Variants in PRR5L observed in about 807,000 individuals in gnomAD.
The protein encoded by PRR5L is proline rich 5 like.
In PRR5L, 21 loss-of-function variants were observed where a neutral mutation model predicts 36.4. The observed-to-expected ratio is 0.58, with a 90% CI of 0.41 to 0.83. The LOEUF is 0.83. Ranked by LOEUF, PRR5L falls within the 40% of genes least tolerant of loss-of-function variation. The pLI is 0.00. For synonymous variants in PRR5L, 188 were observed against 197.0 expected (o/e 0.95, Z 0.38); for missense variants, 381 against 473.3 (o/e 0.80, Z 1.81).
intron 1 of PRR5L, among the ~76,000 whole-genome samples, chr11:36,364,558 A>T (rs1276766829): frequency 1.3e-5 from 2 of 152,204 alleles, no homozygotes; most frequent in Non-Finnish European, 2.9e-5. Flanking sequence ...TTCTTAGAAT[A>T]GTGCCTGGTG....
At chr11:36,395,147 G>A (rs1031633022) in intron 1 of PRR5L, among the ~76,000 whole-genome samples, 1 of 152,196 alleles carries the variant, frequency 6.6e-6, no homozygotes, top group African/African-American at 2.4e-5. Context: ...AAGACCCACA[G>A]ATTCGCTCAT....
At chr11:36,404,245 G>T (rs1323879676) in intron 3 of PRR5L, among the ~76,000 whole-genome samples, 1 of 151,662 alleles carries the variant, frequency 6.6e-6, no homozygotes, top group African/African-American at 2.4e-5. Context: ...ATCTTCTAGG[G>T]ACAGGAGATC....
intron 1 of PRR5L, among the ~76,000 whole-genome samples, chr11:36,325,895 C>A (rs184321458): frequency 6.6e-6 from 1 of 152,172 alleles, no homozygotes; most frequent in East Asian, 1.9e-4. Context: ...TACACATATC[C>A]GGGATTATTT....
In PRR5L at chr11:36,402,260, T is replaced by C. The variant is rs61292546; in HGVS notation, c.164+975T>C. Among the ~76,000 whole-genome samples the C allele has an allele frequency of 4.7e-3, 711 of 152,324 alleles. 4 individuals carry two copies. The highest frequency in any genetic ancestry group is 0.016 in the African/African-American group (676 of 41,556). On this transcript the variant is annotated intron_variant, in intron 2 of 8. Transcript: ENST00000530639. The stretch of plus-strand genomic sequence containing the variant: ...TATGGATCTTTTCTCTTTTTTCTTT[T>C]CTTGAGACAATCTTGCTCTGTTACC...
chr11:36,331,453 C>A (rs984730836), intron 1 of PRR5L, among the ~76,000 whole-genome samples: 3 of 152,058 alleles, frequency 2.0e-5, no homozygotes, highest in Admixed American at 2.0e-4. Flanking sequence ...ATTTGGTTCT[C>A]TTAAATAAAC....
At chr11:36,427,252 G>A (rs926631516) in intron 4 of PRR5L, among the ~76,000 whole-genome samples, 12 of 152,134 alleles carry the variant, frequency 7.9e-5, no homozygotes, top group African/African-American at 2.7e-4. Flanking sequence ...CTTCATTATA[G>A]TGCGACTTGA....
chr11:36,382,758 A>G (rs981463112), intron 1 of PRR5L, among the ~76,000 whole-genome samples: 1 of 152,214 alleles, frequency 6.6e-6, no homozygotes, highest in African/African-American at 2.4e-5. Context: ...TCTCATAGTT[A>G]TGACTATCAA....
At chr11:36,334,731 C>G (rs1002429067) in intron 1 of PRR5L, among the ~76,000 whole-genome samples, 1 of 152,184 alleles carries the variant, frequency 6.6e-6, no homozygotes, top group Admixed American at 6.5e-5. Flanking sequence ...TTACATCTTC[C>G]TCATACACTA....
chr11:36,302,651 G>A (rs990943888), intron 1 of PRR5L, among the ~76,000 whole-genome samples: 1 of 152,150 alleles, frequency 6.6e-6, no homozygotes, highest in Non-Finnish European at 1.5e-5. Flanking sequence ...GCTGGGCATG[G>A]TGGCGGGCAC....
At chr11:36,373,589 ACT>A (rs1430991194) in intron 1 of PRR5L, among the ~76,000 whole-genome samples, 8 of 148,290 alleles carry the variant, frequency 5.4e-5, no homozygotes, top group African/African-American at 2.0e-4. Context: ...AGAGAGCAAG[ACT>A]CTGTTTTAAA....
At chr11:36,375,948 C>A in intron 1 of PRR5L, 1 of 372,982 alleles carries the variant, frequency 2.7e-6, no homozygotes, top group Non-Finnish European at 5.2e-6. Context: ...CAGCTCCGCC[C>A]TGCTCCTTTT....
chr11:36,415,429 T>G (rs1235309529), intron 3 of PRR5L, among the ~76,000 whole-genome samples: 1 of 152,214 alleles, frequency 6.6e-6, no homozygotes, highest in African/African-American at 2.4e-5. Flanking sequence ...ACCCAGTGCT[T>G]CTTTACATAT....
intron 1 of PRR5L, among the ~76,000 whole-genome samples, chr11:36,351,474 C>T (rs192180686): frequency 0.022 from 444 of 20,132 alleles, 5 homozygotes; most frequent in Middle Eastern, 0.19. Context: ...TTTATATATA[C>T]ATATATATTT....
At chr11:36,306,559 A>G (rs1281930413) in intron 1 of PRR5L, among the ~76,000 whole-genome samples, 3 of 152,176 alleles carry the variant, frequency 2.0e-5, no homozygotes, top group Admixed American at 6.5e-5. Context: ...CTATGTACCT[A>G]CTACCTTCGT....
intron 6 of PRR5L, 82 bp from the exon 7 acceptor site, chr11:36,446,218 T>A (rs1337043786): frequency 1.3e-6 from 2 of 1,492,060 alleles, no homozygotes; most frequent in African/African-American, 2.8e-5. Context: ...TATATAAACA[T>A]GTGTTGTCTT....
At chr11:36,381,881 G>A (rs148509832) in intron 1 of PRR5L, among the ~76,000 whole-genome samples, 24 of 151,936 alleles carry the variant, frequency 1.6e-4, no homozygotes, top group African/African-American at 2.9e-4. Context: ...CCCACCAGCC[G>A]GGCGCGGTGG....
chr11:36,319,025 C>T (rs548716393), intron 1 of PRR5L, among the ~76,000 whole-genome samples: 1 of 152,144 alleles, frequency 6.6e-6, no homozygotes, highest in Non-Finnish European at 1.5e-5. Context: ...ATACTCATCA[C>T]TTTTTTCTCT....
At chr11:36,379,150 C>A (rs1012123405) in intron 1 of PRR5L, among the ~76,000 whole-genome samples, 24 of 152,306 alleles carry the variant, frequency 1.6e-4, no homozygotes, top group African/African-American at 5.8e-4. Flanking sequence ...AAATCATAAT[C>A]CTCACTTTGC....
At chr11:36,303,144 G>C (rs1856395001) in intron 1 of PRR5L, among the ~76,000 whole-genome samples, 1 of 152,192 alleles carries the variant, frequency 6.6e-6, no homozygotes. Context: ...AAGACAGGAA[G>C]ACAGCTTAGG....
Sources: allele counts gnomAD v4.1 joint callset (sites outside exome capture counted in the v4.1 genomes callset), GRCh38; gene constraint gnomAD v4.1.1; transcripts MANE v1.5; gene names NCBI Gene and HGNC (gene_info 2026-07-23, HGNC 2026-07-21).